The following LRP6 variants were observed in gnomAD, a reference collection of about 807,000 sequenced individuals.
LRP6 encodes low-density lipoprotein receptor-related protein 6.
LRP6 carries 43 observed loss-of-function variants against 184.1 expected under a neutral mutation model. The ratio of observed to expected loss-of-function variants is 0.23; its 90% CI spans 0.18 to 0.30. LRP6 has a LOEUF of 0.30. Among genes scored for constraint, LRP6 ranks in the 10% least tolerant of loss-of-function variants. The pLI, the probability that LRP6 is intolerant of heterozygous loss-of-function variation, is 1.00. For synonymous variants in LRP6, 719 were observed against 684.9 expected (o/e 1.05, Z -0.78); for missense variants, 1,571 against 2,005.3 (o/e 0.78, Z 4.14).
chr12:12,264,001 G>T (rs1041451308), intron 1 of LRP6, among the ~76,000 whole-genome samples: 1 of 151,748 alleles, frequency 6.6e-6, no homozygotes, highest in African/African-American at 2.4e-5. Flanking sequence ...AAAATTGGGG[G>T]CATAGTGGCA....
At position 12,121,384 on chromosome 12, in the gene LRP6, G is replaced by A. The variant is rs145639537; in HGVS notation, c.4584C>T (p.Pro1528=). The part of the protein sequence containing the change: ...RPYSYRHFAP[P]TTPCSTDVCD... Reference sequence around the variant, plus strand: ...AAACATCTGTGCTGCAGGGTGTGGTGGGGGGTGCAAAGTGCCGGTAGCTAT... The same window carrying A: ...AAACATCTGTGCTGCAGGGTGTGGTAGGGGGTGCAAAGTGCCGGTAGCTAT... The change falls in exon 23 of 23, where the codon CCC becomes CCT. Residue 1528 remains proline (P), a synonymous_variant. Coordinates refer to ENST00000261349, the MANE Select transcript of LRP6 (RefSeq NM_002336.3). The A allele has an allele frequency of 1.2e-6, 2 of 1,614,076 alleles. No homozygotes were observed. Among genetic ancestry groups the A allele is most frequent in the South Asian group, 2.2e-5 (2 of 91,074 alleles).
chr12:12,194,229 G>A (rs1465768816), intron 3 of LRP6, among the ~76,000 whole-genome samples: 1 of 151,718 alleles, frequency 6.6e-6, no homozygotes, highest in Non-Finnish European at 1.5e-5. Context: ...AAACCTACAG[G>A]TAATATCATG....
chr12:12,190,887 T>A (rs1259128471), intron 3 of LRP6, among the ~76,000 whole-genome samples: 1 of 152,212 alleles, frequency 6.6e-6, no homozygotes, highest in Non-Finnish European at 1.5e-5. Flanking sequence ...ATCCTCCATG[T>A]GAAAACAGAG....
intron 20 of LRP6, 116 bp downstream of exon 20, chr12:12,126,575 T>A (rs1364548516): frequency 2.4e-6 from 2 of 829,710 alleles, no homozygotes; most frequent in African/African-American, 3.4e-5. Flanking sequence ...TATAATTGTT[T>A]AAACTCAGAG....
At chr12:12,178,759 A>G (rs977339530) in intron 7 of LRP6, among the ~76,000 whole-genome samples, 2 of 152,202 alleles carry the variant, frequency 1.3e-5, no homozygotes, top group African/African-American at 2.4e-5. Context: ...AAAATTTTCT[A>G]TTAATGAAAA....
At chr12:12,166,629 T>G (rs1280633143) in intron 7 of LRP6, among the ~76,000 whole-genome samples, 1 of 152,212 alleles carries the variant, frequency 6.6e-6, no homozygotes, top group Non-Finnish European at 1.5e-5. Context: ...AATTTGCTGG[T>G]GTAAAAGCAT....
At chr12:12,236,206 G>A (rs941105266) in intron 2 of LRP6, among the ~76,000 whole-genome samples, 4 of 151,954 alleles carry the variant, frequency 2.6e-5, no homozygotes, top group Non-Finnish European at 5.9e-5. Flanking sequence ...CAGCCTGGGC[G>A]ACAGAGCAAA....
intron 4 of LRP6, among the ~76,000 whole-genome samples, chr12:12,185,479 G>A (rs1053792354): frequency 1.6e-4 from 25 of 152,158 alleles, no homozygotes; most frequent in Admixed American, 1.4e-3. Context: ...TAAATGGAGA[G>A]CTAATATAAA....
At chr12:12,163,270 C>T (rs1457613508) in intron 9 of LRP6, among the ~76,000 whole-genome samples, 2 of 152,122 alleles carry the variant, frequency 1.3e-5, no homozygotes, top group African/African-American at 4.8e-5. Flanking sequence ...AGTCACCGCA[C>T]CCAGCCACCC....
At chr12:12,189,855 C>T (rs1238558971) in intron 3 of LRP6, among the ~76,000 whole-genome samples, 1 of 152,060 alleles carries the variant, frequency 6.6e-6, no homozygotes, top group South Asian at 2.1e-4. Flanking sequence ...AATTTCCTCC[C>T]GCCACAAGCC....
intron 1 of LRP6, among the ~76,000 whole-genome samples, chr12:12,245,637 C>T (rs1000156770): frequency 6.6e-6 from 1 of 152,116 alleles, no homozygotes; most frequent in African/African-American, 2.4e-5. Flanking sequence ...AGTAAAGCTA[C>T]TTTATTCTGT....
At chr12:12,167,817 T>G (rs550021712) in intron 7 of LRP6, among the ~76,000 whole-genome samples, 2 of 152,302 alleles carry the variant, frequency 1.3e-5, no homozygotes, top group African/African-American at 2.4e-5. Context: ...AGCTAAATGA[T>G]TGTATTTAAT....
Position 12,266,936 on chromosome 12 carries a change from C to G in LRP6, c.-201G>C, listed in dbSNP as rs1237075479. ...CTACCGCGCCGCTCGGCCCCGGGCT[C>G]GCGCGACGCCAGCGTCTGCTTCCAT... On this transcript the variant is annotated 5_prime_UTR_variant, in exon 1 of 23. Transcript: ENST00000261349. The G allele has an allele frequency of 1.7e-6, 1 of 581,036 alleles. No homozygotes were observed. Among genetic ancestry groups the G allele is most frequent in the Non-Finnish European group, 3.0e-6 (1 of 330,566 alleles). The allele number at this position is 581,036 out of a possible 1,614,324, so 36.0% of individuals were successfully genotyped here.
chr12:12,215,758 TC>T (rs908090216), intron 2 of LRP6, among the ~76,000 whole-genome samples: 1 of 148,188 alleles, frequency 6.7e-6, no homozygotes, highest in African/African-American at 2.5e-5. Context: ...ATGCCTGTAA[TC>T]CCAACACTTT....
intron 1 of LRP6, among the ~76,000 whole-genome samples, chr12:12,260,214 T>C (rs1865576811): frequency 1.3e-5 from 2 of 151,792 alleles, no homozygotes; most frequent in Admixed American, 1.3e-4. Context: ...CCGTCTCCAC[T>C]AAAATACAAA....
At chr12:12,124,211 T>G (rs552497624) in intron 22 of LRP6, among the ~76,000 whole-genome samples, 2 of 152,208 alleles carry the variant, frequency 1.3e-5, no homozygotes, top group South Asian at 4.1e-4. Context: ...ACGTTTCTAC[T>G]AAAAATACAA....
intron 2 of LRP6, among the ~76,000 whole-genome samples, chr12:12,207,714 C>A (rs756340352): frequency 3.9e-5 from 6 of 152,102 alleles, no homozygotes; most frequent in Non-Finnish European, 8.8e-5. Flanking sequence ...GGAAGGCTGT[C>A]TGCATGTGTA....
At chr12:12,222,167 A>G (rs150401098) in intron 2 of LRP6, among the ~76,000 whole-genome samples, 90 of 152,366 alleles carry the variant, frequency 5.9e-4, no homozygotes, top group African/African-American at 1.9e-3. Context: ...AAGTAAAAAT[A>G]CACACATCTG....
chr12:12,206,193 C>T (rs969204530), intron 2 of LRP6, among the ~76,000 whole-genome samples: 2 of 152,108 alleles, frequency 1.3e-5, no homozygotes, highest in Admixed American at 6.5e-5. Flanking sequence ...AGAACATGTC[C>T]CTACTGTTAA....
Sources: allele counts gnomAD v4.1 joint callset (sites outside exome capture counted in the v4.1 genomes callset), GRCh38; gene constraint gnomAD v4.1.1; transcripts MANE v1.5; gene names NCBI Gene and HGNC (gene_info 2026-07-23, HGNC 2026-07-21).